KLHL8: variants seen among roughly 807,000 people sequenced by gnomAD.
The protein encoded by KLHL8 is kelch-like protein 8.
A neutral mutation model predicts 63.5 loss-of-function variants in KLHL8; 38 were observed. That is an observed-to-expected ratio of 0.60 (90% CI 0.46 to 0.78). KLHL8 has a LOEUF of 0.78. Among genes scored for constraint, KLHL8 ranks in the 30% least tolerant of loss-of-function variants. KLHL8 has a pLI of 0.00. For synonymous variants in KLHL8, 224 were observed against 254.3 expected (o/e 0.88, Z 1.13); for missense variants, 566 against 752.4 (o/e 0.75, Z 2.90).
chr4:87,226,236 T>C (rs1295748784), intron 1 of KLHL8, among the ~76,000 whole-genome samples: 1 of 152,120 alleles, frequency 6.6e-6, no homozygotes, highest in Non-Finnish European at 1.5e-5. Flanking sequence ...AAATGTACGA[T>C]GTCTGTGAAA....
At chr4:87,193,419 C>A (rs1352665440) in intron 2 of KLHL8, among the ~76,000 whole-genome samples, 2 of 152,206 alleles carry the variant, frequency 1.3e-5, no homozygotes, top group African/African-American at 4.8e-5. Context: ...CCTATAGTAA[C>A]AATGCCTTCC....
At chr4:87,167,178 A>G in intron 8 of KLHL8, 1 of 526,602 alleles carries the variant, frequency 1.9e-6, no homozygotes, top group South Asian at 1.6e-5. Flanking sequence ...GAAACATTAC[A>G]CTGTTTATCC....
rs1731433734 is a variant in KLHL8 at position 87,190,366 on chromosome 4, CA to C, written c.217-4568del. ...TCAAAATAAAAAATAACCTACTGGCCAGGGGCAGTGGCTCATGCCTGTAATC... is the reference window on the plus strand; with the variant it reads ...TCAAAATAAAAAATAACCTACTGGCCGGGGCAGTGGCTCATGCCTGTAATC... On this transcript the variant is annotated intron_variant, in intron 2 of 9. Transcript: ENST00000273963. Among the ~76,000 whole-genome samples, 3 of 151,984 alleles carry C rather than the reference CA, an allele frequency of 2.0e-5. No individual in the cohort carries two copies. The South Asian group carries it at 6.2e-4, about 31-fold the overall frequency.
intron 1 of KLHL8, among the ~76,000 whole-genome samples, chr4:87,229,419 CTTTT>C (rs1299829511): frequency 4.1e-5 from 5 of 120,494 alleles, no homozygotes; most frequent in Non-Finnish European, 3.4e-5. Context: ...TATCTTTTTC[CTTTT>C]TTTTTTTTTT....
chr4:87,164,962 C>A (rs374623005), intron 8 of KLHL8, among the ~76,000 whole-genome samples: 6 of 151,872 alleles, frequency 4.0e-5, no homozygotes, highest in African/African-American at 1.2e-4. Context: ...TCCTGGCTAA[C>A]ACGGTGAAAC....
intron 6 of KLHL8, among the ~76,000 whole-genome samples, chr4:87,173,706 C>T (rs1730716430): frequency 1.3e-5 from 2 of 152,132 alleles, no homozygotes; most frequent in Non-Finnish European, 2.9e-5. Context: ...AATTCAATTG[C>T]TATTTTGCTA....
chr4:87,235,373 T>C (rs764978247), intron 1 of KLHL8, among the ~76,000 whole-genome samples: 2 of 152,214 alleles, frequency 1.3e-5, no homozygotes, highest in Non-Finnish European at 2.9e-5. Context: ...TAACATGCCA[T>C]GTGGGTTTGT....
chr4:87,227,741 C>T (rs568436296), intron 1 of KLHL8, among the ~76,000 whole-genome samples: 18 of 152,268 alleles, frequency 1.2e-4, no homozygotes, highest in African/African-American at 4.1e-4. Flanking sequence ...GACCATTAAA[C>T]CATCATTTTA....
intron 1 of KLHL8, among the ~76,000 whole-genome samples, chr4:87,203,638 G>C (rs1732003683): frequency 6.7e-6 from 1 of 149,176 alleles, no homozygotes; most frequent in Non-Finnish European, 1.5e-5. Flanking sequence ...GTTTTATATA[G>C]TTTCTGATCC....
chr4:87,229,646 G>A (rs1481555767), intron 1 of KLHL8, among the ~76,000 whole-genome samples: 2 of 151,406 alleles, frequency 1.3e-5, no homozygotes. Flanking sequence ...TGGCCAGGCT[G>A]GTGTCGGACT....
chr4:87,200,951 T>C (rs1246605178), intron 1 of KLHL8, among the ~76,000 whole-genome samples: 1 of 152,152 alleles, frequency 6.6e-6, no homozygotes, highest in African/African-American at 2.4e-5. Context: ...TGGAATACCA[T>C]TCAGATTCAA....
At chr4:87,205,722 C>T (rs1732100664) in intron 1 of KLHL8, among the ~76,000 whole-genome samples, 1 of 152,066 alleles carries the variant, frequency 6.6e-6, no homozygotes, top group South Asian at 2.1e-4. Flanking sequence ...CTTAGGCCTC[C>T]CAAAATGCTG....
intron 1 of KLHL8, among the ~76,000 whole-genome samples, chr4:87,202,635 C>T (rs1327322396): frequency 1.3e-5 from 2 of 152,058 alleles, no homozygotes; most frequent in East Asian, 3.8e-4. Context: ...CAAAACTCAC[C>T]CAAAAGACAA....
Position 87,161,515 on chromosome 4 carries a change from T to C in KLHL8, c.*2004A>G, listed in dbSNP as rs921030054. On this transcript the variant is annotated 3_prime_UTR_variant, in exon 10 of 10. Transcript: ENST00000273963. ...ATGAAAATATAATAACCCTTATAAC[T>C]CCTTACATATAAGAAAGACAGAAAT... 2.2e-4 allele frequency: 34 copies of C among 152,100 alleles called. No homozygotes were observed. The highest frequency in any genetic ancestry group is 8.0e-4 in the African/African-American group (33 of 41,500). The allele number at this position is 152,100 out of a possible 1,614,324, so 9.4% of individuals were successfully genotyped here.
chr4:87,168,784 AC>A (rs1730518161), intron 8 of KLHL8, among the ~76,000 whole-genome samples: 1 of 109,032 alleles, frequency 9.2e-6, no homozygotes, highest in Non-Finnish European at 1.9e-5. Flanking sequence ...GTATATATAT[AC>A]GTATATATAC....
In KLHL8 at chr4:87,215,336, T is replaced by C. The variant is rs80183205; in HGVS notation, c.-152+5082A>G. ...GTATGCTGCAATATTGGCATTCATC[T>C]CTACTACTAATCTTTGAGGTCTATT... On this transcript the variant is annotated intron_variant, in intron 1 of 9. Transcript: ENST00000273963. 3.4e-4 allele frequency among the ~76,000 whole-genome samples: 52 copies of C among 152,344 alleles called. No homozygotes were observed. The East Asian group carries it at 9.3e-3, about 27-fold the overall frequency.
intron 1 of KLHL8, among the ~76,000 whole-genome samples, chr4:87,199,048 A>G (rs759399223): frequency 6.6e-6 from 1 of 152,230 alleles, no homozygotes; most frequent in African/African-American, 2.4e-5. Flanking sequence ...AGAGATTTTC[A>G]GATTGGATAA....
intron 1 of KLHL8, among the ~76,000 whole-genome samples, chr4:87,209,764 G>A (rs1050309423): frequency 6.6e-6 from 1 of 151,454 alleles, no homozygotes; most frequent in Non-Finnish European, 1.5e-5. Context: ...GCAGCACAGT[G>A]ACTGTGTTTT....
At chr4:87,170,725 T>C (rs1373625413) in intron 6 of KLHL8, 110 bp from the exon 7 acceptor site, 5 of 929,932 alleles carry the variant, frequency 5.4e-6, no homozygotes, top group African/African-American at 3.4e-5. Flanking sequence ...CTTCAAACAG[T>C]ATAGTTTGTT....
Sources: allele counts gnomAD v4.1 joint callset (sites outside exome capture counted in the v4.1 genomes callset), GRCh38; gene constraint gnomAD v4.1.1; transcripts MANE v1.5; gene names NCBI Gene and HGNC (gene_info 2026-07-23, HGNC 2026-07-21).